RXRA: variants seen among roughly 807,000 people sequenced by gnomAD.
RXRA encodes the protein retinoid X receptor alpha, also known as retinoic acid receptor RXR-alpha.
In RXRA, 5 loss-of-function variants were observed where a neutral mutation model predicts 44.5. That is an observed-to-expected ratio of 0.11 (90% confidence interval 0.06 to 0.24). The LOEUF (loss-of-function observed/expected upper bound fraction) is 0.24, where lower values mean the gene tolerates loss of function less well. RXRA is among the 10% of genes least tolerant of loss of function. RXRA has a pLI of 1.00. For missense variants in RXRA, 412 were observed against 646.5 expected (o/e 0.64, Z 3.93); for synonymous variants, 291 against 271.4 (o/e 1.07, Z -0.71).
rs34090729 is a variant in RXRA, at chr9:134,401,999, C to T, written c.279+117C>T. 1.7e-4 allele frequency: 146 copies of T among 869,700 alleles called. 1 individual carries two copies. The highest frequency in any genetic ancestry group is 1.6e-3 in the African/African-American group (93 of 59,038). The allele number at this position is 869,700 out of a possible 1,614,324, so 53.9% of individuals were successfully genotyped here. On this transcript the variant is annotated intron_variant, in intron 2 of 9. Transcript: ENST00000481739. The stretch of plus-strand genomic sequence containing the variant: ...TGGGAGGTAGGTGCTGTGGTCTCCC[C>T]GCTTGACGCAGAGTATACAGAGCCT...
chr9:134,332,573 AG>A (rs1180108160), intron 1 of RXRA, among the ~76,000 whole-genome samples: 5 of 128,372 alleles, frequency 3.9e-5, no homozygotes, highest in Middle Eastern at 3.8e-3. Flanking sequence ...TCTGGCCTGG[AG>A]GGGGTGAAGA....
chr9:134,355,374 C>A (rs1419845341), intron 1 of RXRA, among the ~76,000 whole-genome samples: 1 of 152,254 alleles, frequency 6.6e-6, no homozygotes, highest in African/African-American at 2.4e-5. Flanking sequence ...CCCCCGACTC[C>A]TTCCCAGCTT....
At chr9:134,401,611 C>A in intron 1 of RXRA, 21 bp from the exon 2 acceptor site, 1 of 1,612,494 alleles carries the variant, frequency 6.2e-7, no homozygotes, top group South Asian at 1.1e-5. Context: ...GACCACTCTC[C>A]TGCGGCTTCT....
In RXRA at chr9:134,424,422, G is replaced by T. The variant is rs556944941; in HGVS notation, c.910+2617G>T. ...TGACCTCCCCCTGGGCGCCCACTGA[G>T]GTCCTTGCTGACCTGTCTCCAGTGG... On this transcript the variant is annotated intron_variant, in intron 6 of 9. Coordinates refer to ENST00000481739, the MANE Select transcript of RXRA (RefSeq NM_002957.6). 4 of 985,452 alleles carry T rather than the reference G, an allele frequency of 4.1e-6. No homozygotes were observed. In the African/African-American group the frequency reaches 7.0e-5, roughly 17 times the overall value. The allele number at this position is 985,452 out of a possible 1,614,324, so 61.0% of individuals were successfully genotyped here.
intron 2 of RXRA, 81 bp downstream of exon 2, chr9:134,401,963 C>G: frequency 6.1e-6 from 7 of 1,154,818 alleles, no homozygotes; most frequent in Non-Finnish European, 7.2e-6. Flanking sequence ...ACCGCCTCAT[C>G]TTGAGGCCTC....
At chr9:134,367,278 A>G (rs988628435) in intron 1 of RXRA, among the ~76,000 whole-genome samples, 5 of 151,784 alleles carry the variant, frequency 3.3e-5, no homozygotes, top group African/African-American at 9.7e-5. Context: ...ATCTCCCTCC[A>G]TCTTCACAGC....
chr9:134,422,478 C>A, intron 6 of RXRA: 2 of 1,215,286 alleles, frequency 1.6e-6, no homozygotes, highest in Non-Finnish European at 2.1e-6. Flanking sequence ...TCCCTGCTAC[C>A]GGGACACTCC....
intron 6 of RXRA, chr9:134,423,249 A>G: frequency 1.0e-6 from 1 of 985,400 alleles, no homozygotes. Context: ...GTCTGCCCTC[A>G]CTGCCCGACG....
chr9:134,374,186 G>T (rs918761102), intron 1 of RXRA: 3 of 152,294 alleles, frequency 2.0e-5, no homozygotes, highest in Non-Finnish European at 4.4e-5. Flanking sequence ...GCGAGGTTGA[G>T]TCAGATGCCC....
At position 134,401,716 on chromosome 9, in the gene RXRA, G is replaced by C; in HGVS notation, c.113G>C (p.Gly38Ala). ...GCCCCCTCGCTGCACCCGTCCCTGG[G>C]GCCTGGCATCGGCTCCCCGGGACAG... ...MAAPSLHPSL[G>A]PGIGSPGQLH... Residue 38 changes from glycine (G) to alanine (A), a missense_variant, in exon 2 of 10, where the codon GGG (glycine) becomes GCG (alanine). Around this residue, in one of 4 missense-constraint regions of RXRA, gnomAD observed 156 missense variants for 177.2 expected, o/e 0.88. Coordinates refer to ENST00000481739, the MANE Select transcript of RXRA (RefSeq NM_002957.6). 1 of 1,613,188 alleles carries C rather than the reference G, an allele frequency of 6.2e-7. No homozygotes were observed. Among genetic ancestry groups the C allele is most frequent in the Non-Finnish European group, 8.5e-7 (1 of 1,179,988 alleles).
chr9:134,392,799 G>C (rs568184797), intron 1 of RXRA, among the ~76,000 whole-genome samples: 1 of 152,164 alleles, frequency 6.6e-6, no homozygotes, highest in Non-Finnish European at 1.5e-5. Flanking sequence ...TTGGCCGTGC[G>C]GGTTGCACCT....
chr9:134,326,855 G>A (rs1554746096), intron 1 of RXRA, among the ~76,000 whole-genome samples, 196 bp downstream of exon 1: 1 of 146,672 alleles, frequency 6.8e-6, no homozygotes. Context: ...CGCGGGGCCG[G>A]GGCGGGGCTG....
intron 4 of RXRA, among the ~76,000 whole-genome samples, chr9:134,413,455 A>G (rs770631526): frequency 2.0e-5 from 3 of 152,072 alleles, no homozygotes; most frequent in Non-Finnish European, 2.9e-5. Flanking sequence ...GAGGGAAGGT[A>G]AGTCACTCCC....
intron 1 of RXRA, among the ~76,000 whole-genome samples, chr9:134,329,269 G>C (rs1554746377): frequency 6.6e-6 from 1 of 152,120 alleles, no homozygotes; most frequent in African/African-American, 2.4e-5. Flanking sequence ...GCACATTCCG[G>C]GGCCTCCCGA....
At chr9:134,385,790 C>T (rs1830711888) in intron 1 of RXRA, among the ~76,000 whole-genome samples, 1 of 152,268 alleles carries the variant, frequency 6.6e-6, no homozygotes, top group South Asian at 2.1e-4. Context: ...CCCCCCAGCA[C>T]GCAGATGGGG....
At chr9:134,327,619 G>A (rs2119001687) in intron 1 of RXRA, among the ~76,000 whole-genome samples, 1 of 152,250 alleles carries the variant, frequency 6.6e-6, no homozygotes, top group South Asian at 2.1e-4. Flanking sequence ...TATGAATGAA[G>A]CCCCCGCCAT....
At chr9:134,390,387 T>G (rs553045893) in intron 1 of RXRA, among the ~76,000 whole-genome samples, 259 of 152,262 alleles carry the variant, frequency 1.7e-3, no homozygotes, top group Admixed American at 4.4e-3. Flanking sequence ...GGCTCCCCAT[T>G]ACACTCCCAA....
chr9:134,390,002 C>T (rs893051230), intron 1 of RXRA, among the ~76,000 whole-genome samples: 1 of 152,120 alleles, frequency 6.6e-6, no homozygotes, highest in East Asian at 1.9e-4. Context: ...TGATATGTGC[C>T]GATTGGTGGG....
At chr9:134,355,364 C>T (rs547871861) in intron 1 of RXRA, among the ~76,000 whole-genome samples, 1 of 152,226 alleles carries the variant, frequency 6.6e-6, no homozygotes, top group Admixed American at 6.5e-5. Context: ...TTGGACAGAT[C>T]CCCCGACTCC....
Sources: allele counts gnomAD v4.1 joint callset (sites outside exome capture counted in the v4.1 genomes callset), GRCh38; gene constraint gnomAD v4.1.1; regional missense constraint gnomAD v4.1.1; transcripts MANE v1.5; gene names NCBI Gene and HGNC (gene_info 2026-07-23, HGNC 2026-07-21).